The following MYH7 variants were observed in gnomAD, a reference collection of about 807,000 sequenced individuals.
MYH7 encodes the protein myosin heavy chain 7, also known as myosin-7.
MYH7 carries 129 observed loss-of-function variants against 225.4 expected under a neutral mutation model. That is an observed-to-expected ratio of 0.57 (90% CI 0.50 to 0.66). MYH7 has a LOEUF of 0.66. MYH7 is among the 30% of genes least tolerant of loss of function. MYH7 has a pLI of 0.00. For missense variants in MYH7, 1,649 were observed against 2,517.0 expected (o/e 0.66, Z 7.38); for synonymous variants, 971 against 1,007.6 (o/e 0.96, Z 0.69).
At position 23,431,650 on chromosome 14, in the gene MYH7, C is replaced by T. The variant is rs121913645; in HGVS notation, c.667G>A (p.Ala223Thr). Residue 223 changes from alanine (A) to threonine (T), a missense_variant, in exon 8 of 40, where the codon GCC becomes ACC. Physicochemically the swap from Ala to Thr is moderately conservative, Grantham distance 58 (BLOSUM62 0). Around this residue, in one of 12 missense-constraint regions of MYH7, gnomAD observed 131 missense variants for 231.3 expected, o/e 0.57. Transcript: ENST00000355349. ...KGTLEDQIIQ[A>T]NPALEAFGNA... ...CCAAAGGCCTCCAGAGCAGGGTTGG[C>T]CTGGATGATCTGGTCCTCCAGGGTG... 6.2e-7 allele frequency: 1 copy of T among 1,614,214 alleles called. No individual in the cohort carries two copies. Among genetic ancestry groups the T allele is most frequent in the Non-Finnish European group, 8.5e-7 (1 of 1,180,040 alleles).
rs45584435 is a variant in MYH7, at chr14:23,419,462, G to A, written c.3853+21C>T. ...TGGGGAGACTGTGGTGGGAACCATGGAGCCCCTGCTCTAGGCTCACCATTC... is the reference window on the plus strand; with the variant it reads ...TGGGGAGACTGTGGTGGGAACCATGAAGCCCCTGCTCTAGGCTCACCATTC... On this transcript the variant is annotated intron_variant, in intron 28 of 39. Transcript: ENST00000355349. The A allele has an allele frequency of 4.4e-3, 7,087 of 1,613,658 alleles. 32 individuals are homozygous for A. The highest frequency in any genetic ancestry group is 7.2e-3 in the Middle Eastern group (43 of 5,952).
intron 6 of MYH7, 56 bp from the exon 7 acceptor site, chr14:23,431,925 C>G (rs1892963421): frequency 5.1e-6 from 8 of 1,571,594 alleles, no homozygotes; most frequent in Non-Finnish European, 7.0e-6. Context: ...ACCAGCAAGC[C>G]TCAAATCAGG....
chr14:23,429,110 A>G lies in MYH7; in HGVS notation c.1258-6T>C. 1 of 1,614,202 alleles carries G rather than the reference A, an allele frequency of 6.2e-7. No homozygotes were observed. Among genetic ancestry groups the G allele is most frequent in the Non-Finnish European group, 8.5e-7 (1 of 1,180,032 alleles). On this transcript the variant is annotated splice_polypyrimidine_tract_variant and splice_region_variant and intron_variant, in intron 13 of 39. Transcript: ENST00000355349. ...GCCCCAGTGGCATATATCACCTGCA[A>G]GGTGGAGGAGAGACCCATATTGAGC... is the stretch of plus-strand genomic sequence containing the variant.
chr14:23,415,874 G>A lies in MYH7; in HGVS notation c.4954-42C>T, dbSNP rs553962964. ...TGGGCATGAGCAGGGAGCCAGCCTC[G>A]GTTCCCTTCACTAAAGGCACCTGTC... On this transcript the variant is annotated intron_variant, in intron 34 of 39. Transcript: ENST00000355349. This position sits in a 1 kb window ranked among gnomAD's most constrained non-coding sequence, Gnocchi z 6.3. The A allele has an allele frequency of 3.8e-5, 61 of 1,613,766 alleles. No homozygotes were observed. Among genetic ancestry groups the A allele is most frequent in the South Asian group, 2.2e-4 (20 of 91,006 alleles).
intron 33 of MYH7, 64 bp downstream of exon 33, chr14:23,416,804 G>A (rs1892230100): frequency 1.9e-6 from 3 of 1,611,376 alleles, no homozygotes; most frequent in South Asian, 2.2e-5. Context: ...AGCGGGGGAT[G>A]AGAACAGGGA....
rs558746639 is a variant in MYH7, at chr14:23,426,936, G to A, written c.1957-72C>T. ...GAGATGCAGGAAGAAGAGAGGAGAA[G>A]AAGGAAGGAAAAGAGAGATGGAGAG... On this transcript the variant is annotated intron_variant, in intron 17 of 39. Transcript: ENST00000355349. 38 of 1,365,856 alleles carry A rather than the reference G, an allele frequency of 2.8e-5. No homozygotes were observed. The South Asian group carries it at 3.5e-4, about 13-fold the overall frequency. The allele number at this position is 1,365,856 out of a possible 1,614,324, so 84.6% of individuals were successfully genotyped here. A position where few individuals can be genotyped will look rare whatever the true frequency, so the allele number is the denominator to read the frequency against.
chr14:23,433,408 C>G lies in MYH7; in HGVS notation c.201+124G>C. 6.9e-7 allele frequency: 1 copy of G among 1,452,354 alleles called. No homozygotes were observed. Among genetic ancestry groups the G allele is most frequent in the South Asian group, 1.2e-5 (1 of 86,418 alleles). 90.0% of individuals were successfully genotyped at this position (1,452,354 alleles called of 1,614,324 possible). A position where few individuals can be genotyped will look rare whatever the true frequency, so the allele number is the denominator to read the frequency against. ...CTCTTTGGAGGGTCTGGATTCTTCCCCAAAGGGAAGGAGAATGGGACCATC... is the reference window on the plus strand; with the variant it reads ...CTCTTTGGAGGGTCTGGATTCTTCCGCAAAGGGAAGGAGAATGGGACCATC... On this transcript the variant is annotated intron_variant, in intron 3 of 39. Transcript: ENST00000355349. The surrounding 1 kb of genome is among the most constrained non-coding windows in gnomAD (Gnocchi z 4.1).
At chr14:23,423,806 A>T in intron 23 of MYH7, 83 bp from the exon 24 acceptor site, 3 of 1,613,486 alleles carry the variant, frequency 1.9e-6, no homozygotes, top group African/African-American at 1.3e-5. Flanking sequence ...GTCAAGGTCC[A>T]TGCTGCTCTC....
In MYH7 at chr14:23,423,372, T is replaced by C. The variant is rs8019322; in HGVS notation, c.3099+175A>G. On this transcript the variant is annotated intron_variant, in intron 24 of 39. Coordinates refer to ENST00000355349, the MANE Select transcript of MYH7 (RefSeq NM_000257.4). ...CTCTGACTTTTCATTCCCCAGCTCC[T>C]TTCTAGAAAGATATCAGAAAAGTTA... Among the ~76,000 whole-genome samples, 57,533 of 151,142 alleles carry C rather than the reference T, an allele frequency of 0.38. 12,899 individuals carry two copies. The highest frequency in any genetic ancestry group is 0.63 in the African/African-American group (25,856 of 41,064).
chr14:23,419,493 T>G lies in MYH7; in HGVS notation c.3843A>C (p.Gln1281His). 6.2e-7 allele frequency: 1 copy of G among 1,614,120 alleles called. No homozygotes were observed. The highest frequency in any genetic ancestry group is 8.5e-7 in the Non-Finnish European group (1 of 1,180,030). ...CTGCTCTAGGCTCACCATTCTCGGT[T>G]TGCAACTTGGCCCGCTGGCTGGTGA... ...NDLTSQRAKL[Q>H]TENGELSRQL... The change falls in exon 28 of 40, where the codon CAA becomes CAC. Residue 1281 changes from glutamine (Q) to histidine (H), a missense_variant. Gln to His is a conservative substitution (Grantham distance 24). This residue lies in a region of MYH7 where 687 missense variants were observed against 913.8 expected (regional missense o/e 0.75). Transcript: ENST00000355349.
At chr14:23,413,623 G>T in intron 39 of MYH7, 136 bp downstream of exon 39, 1 of 1,174,776 alleles carries the variant, frequency 8.5e-7, no homozygotes, top group Non-Finnish European at 1.2e-6. Flanking sequence ...ACAGAGAACT[G>T]CATTACCTTG....
chr14:23,432,290 G>C (rs186253473), intron 6 of MYH7, among the ~76,000 whole-genome samples, 189 bp downstream of exon 6: 1 of 152,112 alleles, frequency 6.6e-6, no homozygotes, highest in East Asian at 1.9e-4. Context: ...AACATGAAGG[G>C]GATGGAAAGC....
intron 11 of MYH7, 47 bp from the exon 12 acceptor site, chr14:23,429,960 T>C (rs1162798618): frequency 1.2e-6 from 2 of 1,609,840 alleles, no homozygotes; most frequent in Non-Finnish European, 1.7e-6. Context: ...AGAAGTATGA[T>C]GGGTAAGTGA....
intron 24 of MYH7, 59 bp downstream of exon 24, chr14:23,423,474 CACACACACACACAG>C: frequency 6.5e-7 from 1 of 1,547,002 alleles, no homozygotes; most frequent in Non-Finnish European, 8.9e-7. Context: ...CACACACACA[CACACACACACACAG>C]AGCTCTGGGC....
rs76538837 is a variant in MYH7 at position 23,429,177 on chromosome 14, C to T, written c.1257+52G>A. 1,212 of 1,613,926 alleles carry T rather than the reference C, an allele frequency of 7.5e-4. 10 individuals are homozygous for T. The African/African-American group carries it at 0.015, about 19-fold the overall frequency. ...GTGAACTTGAAAACTCTCATCCCAC[C>T]ATGCCAGTCTCCCTACCCTGCCCAC... On this transcript the variant is annotated intron_variant, in intron 13 of 39. Coordinates refer to ENST00000355349, the MANE Select transcript of MYH7 (RefSeq NM_000257.4).
chr14:23,423,772 G>T lies in MYH7; in HGVS notation c.2923-49C>A, dbSNP rs557548496. The T allele has an allele frequency of 2.5e-6, 4 of 1,613,544 alleles. No homozygotes were observed. In the South Asian group the frequency reaches 4.4e-5, roughly 18 times the overall value. ...CTTTAGGGTCAAAGGTCACCAGCTTGGTGCCATCTGTGGGGAGCTCCATGT... is the reference window on the plus strand; with the variant it reads ...CTTTAGGGTCAAAGGTCACCAGCTTTGTGCCATCTGTGGGGAGCTCCATGT... On this transcript the variant is annotated intron_variant, in intron 23 of 39. Coordinates refer to ENST00000355349, the MANE Select transcript of MYH7 (RefSeq NM_000257.4).
chr14:23,418,338 G>A lies in MYH7; in HGVS notation c.4041C>T (p.Tyr1347=), dbSNP rs1199930760. ...CGGCCTTGGCCTCCGTCTCCTCCTC[G>A]TACTGCTCCCGCAGCAGGTCGCAGT... ...RHDCDLLREQ[Y]EEETEAKAEL... Residue 1347 remains tyrosine (Y), a synonymous_variant, in exon 30 of 40, where the codon TAC becomes TAT. Transcript: ENST00000355349. The A allele has an allele frequency of 5.6e-6, 9 of 1,613,948 alleles. No homozygotes were observed. Among genetic ancestry groups the A allele is most frequent in the African/African-American group, 2.7e-5 (2 of 75,056 alleles).
chr14:23,420,755 G>A (rs1229464133), intron 26 of MYH7, among the ~76,000 whole-genome samples: 2 of 152,174 alleles, frequency 1.3e-5, no homozygotes, highest in South Asian at 2.1e-4. Flanking sequence ...TGCCCTCCAG[G>A]CCTGTGACCT....
chr14:23,432,533 G>T (rs199866189), intron 5 of MYH7, 27 bp from the exon 6 acceptor site: 2 of 1,614,008 alleles, frequency 1.2e-6, no homozygotes, highest in Admixed American at 1.7e-5. Context: ...GGGAGGAAAG[G>T]TCAGGAGCTG....
Sources: allele counts gnomAD v4.1 joint callset (sites outside exome capture counted in the v4.1 genomes callset), GRCh38; gene constraint gnomAD v4.1.1; regional missense constraint gnomAD v4.1.1; non-coding constraint Gnocchi (gnomAD v3.1); transcripts MANE v1.5; gene names NCBI Gene and HGNC (gene_info 2026-07-23, HGNC 2026-07-21).